The following ARHGAP24 variants were observed in gnomAD, a reference collection of about 807,000 sequenced individuals.
ARHGAP24 encodes rho GTPase-activating protein 24.
ARHGAP24 carries 50 observed loss-of-function variants against 76.4 expected under a neutral mutation model. The ratio of observed to expected loss-of-function variants is 0.65; its 90% confidence interval spans 0.52 to 0.83. ARHGAP24 has a LOEUF of 0.83. Ranked by LOEUF, ARHGAP24 falls within the 40% of genes least tolerant of loss-of-function variation. ARHGAP24 has a pLI of 0.00. For missense variants in ARHGAP24, 930 were observed against 914.2 expected (o/e 1.02, Z -0.22); for synonymous variants, 345 against 323.3 (o/e 1.07, Z -0.72).
At chr4:85,499,241 C>T (rs913413206) in intron 1 of ARHGAP24, among the ~76,000 whole-genome samples, 3 of 152,098 alleles carry the variant, frequency 2.0e-5, no homozygotes, top group African/African-American at 7.2e-5. Context: ...AATGTATGAC[C>T]TTCTAAGTGA....
chr4:85,763,156 GTGT>G (rs1726797553), intron 3 of ARHGAP24, among the ~76,000 whole-genome samples: 1 of 152,018 alleles, frequency 6.6e-6, no homozygotes, highest in Non-Finnish European at 1.5e-5. Flanking sequence ...AAATAATTTG[GTGT>G]TGTTATTTAA....
At chr4:85,930,816 G>T (rs1736286250) in intron 4 of ARHGAP24, 1 of 1,535,040 alleles carries the variant, frequency 6.5e-7, no homozygotes, top group Middle Eastern at 2.0e-4. Context: ...CAAATTCTAG[G>T]GATCAGCACT....
chr4:85,991,506 G>GTAA (rs1375374274), intron 8 of ARHGAP24: 1 of 152,114 alleles, frequency 6.6e-6, no homozygotes, highest in African/African-American at 2.4e-5. Flanking sequence ...TCTACAGCAA[G>GTAA]TAATACTATT....
At chr4:85,740,545 C>T (rs548213708) in intron 3 of ARHGAP24, among the ~76,000 whole-genome samples, 10 of 152,310 alleles carry the variant, frequency 6.6e-5, no homozygotes, top group Admixed American at 1.3e-4. Context: ...ATATCTATTA[C>T]AGAGTTTTCT....
At chr4:85,545,603 C>T (rs1266448668) in intron 1 of ARHGAP24, among the ~76,000 whole-genome samples, 4 of 152,100 alleles carry the variant, frequency 2.6e-5, no homozygotes, top group Non-Finnish European at 4.4e-5. Context: ...TTACTGCTTC[C>T]AAGCTGCTGA....
At chr4:85,957,518 A>T (rs1737985378) in intron 5 of ARHGAP24, among the ~76,000 whole-genome samples, 1 of 152,152 alleles carries the variant, frequency 6.6e-6, no homozygotes, top group African/African-American at 2.4e-5. Context: ...TTCCTCTTTG[A>T]TGTAATCAGG....
intron 1 of ARHGAP24, among the ~76,000 whole-genome samples, chr4:85,523,671 G>A (rs962990845): frequency 1.3e-5 from 2 of 152,066 alleles, no homozygotes; most frequent in African/African-American, 2.4e-5. Flanking sequence ...GCCATTGCAT[G>A]TTTACAGGAA....
At chr4:85,941,142 G>A (rs1278036737) in intron 4 of ARHGAP24, among the ~76,000 whole-genome samples, 1 of 152,048 alleles carries the variant, frequency 6.6e-6, no homozygotes, top group Non-Finnish European at 1.5e-5. Context: ...CATCTGCTTT[G>A]GCTGTTTTTT....
chr4:85,866,710 C>T (rs555132756), intron 3 of ARHGAP24, among the ~76,000 whole-genome samples: 2 of 152,252 alleles, frequency 1.3e-5, no homozygotes, highest in South Asian at 2.1e-4. Context: ...GTGAGGATCA[C>T]ACCCACACCT....
chr4:85,837,748 T>C (rs769285080), intron 3 of ARHGAP24, among the ~76,000 whole-genome samples: 1 of 152,154 alleles, frequency 6.6e-6, no homozygotes, highest in Admixed American at 6.5e-5. Flanking sequence ...CCATATGGAC[T>C]GTATTCCAAT....
chr4:85,581,176 T>C (rs1275821457), intron 2 of ARHGAP24, among the ~76,000 whole-genome samples: 1 of 152,162 alleles, frequency 6.6e-6, no homozygotes, highest in Non-Finnish European at 1.5e-5. Flanking sequence ...AATATGATTT[T>C]AATATTTTAA....
At chr4:85,932,179 G>C (rs1736371859) in intron 4 of ARHGAP24, among the ~76,000 whole-genome samples, 1 of 152,116 alleles carries the variant, frequency 6.6e-6, no homozygotes, top group Admixed American at 6.5e-5. Flanking sequence ...AATTAAATGA[G>C]AGATGCATGT....
intron 2 of ARHGAP24, among the ~76,000 whole-genome samples, chr4:85,659,635 C>T (rs1345326460): frequency 1.3e-5 from 2 of 152,144 alleles, no homozygotes; most frequent in East Asian, 3.9e-4. Flanking sequence ...TATCTCCCTT[C>T]ATTTTGATGA....
intron 2 of ARHGAP24, among the ~76,000 whole-genome samples, chr4:85,624,927 C>A (rs181889241): frequency 3.0e-4 from 46 of 152,110 alleles, no homozygotes; most frequent in African/African-American, 9.2e-4. Context: ...TATCCCCTTT[C>A]TCATTTTTTA....
At chr4:85,619,309 G>T (rs897822990) in intron 2 of ARHGAP24, among the ~76,000 whole-genome samples, 1 of 151,202 alleles carries the variant, frequency 6.6e-6, no homozygotes, top group Non-Finnish European at 1.5e-5. Flanking sequence ...TCCCTATTTT[G>T]TTCCATTGGT....
At chr4:85,543,782 T>A (rs191745189) in intron 1 of ARHGAP24, among the ~76,000 whole-genome samples, 24 of 152,336 alleles carry the variant, frequency 1.6e-4, no homozygotes, top group African/African-American at 5.8e-4. Flanking sequence ...TTTCCTATAA[T>A]CCTTAAAATA....
At chr4:85,919,900 T>C (rs1735630313) in intron 3 of ARHGAP24, among the ~76,000 whole-genome samples, 1 of 152,168 alleles carries the variant, frequency 6.6e-6, no homozygotes, top group African/African-American at 2.4e-5. Context: ...GAATACAAAA[T>C]TGATTTTTAG....
chr4:85,941,403 C>T (rs1736938384), intron 4 of ARHGAP24, among the ~76,000 whole-genome samples: 1 of 152,136 alleles, frequency 6.6e-6, no homozygotes, highest in Admixed American at 6.5e-5. Context: ...ATAAAATACC[C>T]TACCTGTTAG....
At position 85,970,329 on chromosome 4, in the gene ARHGAP24, T is replaced by G. The variant is rs137881848; in HGVS notation, c.600-1707T>G. ...CAACATCATTTTCTCAGAGAAGACC[T>G]CCAAACCCTGTCTTGTTATTAGATA... On this transcript the variant is annotated intron_variant, in intron 5 of 9. Coordinates refer to ENST00000395184, the MANE Select transcript of ARHGAP24 (RefSeq NM_001025616.3). Among the ~76,000 whole-genome samples, 26 of 152,320 alleles carry G rather than the reference T, an allele frequency of 1.7e-4. No homozygotes were observed. The East Asian group carries it at 4.6e-3, about 27-fold the overall frequency.
Sources: gnomAD v4.1 joint callset for allele counts (sites outside exome capture counted in the v4.1 genomes callset) on GRCh38, gnomAD v4.1.1 for gene constraint, MANE v1.5 for transcripts, NCBI Gene and HGNC (gene_info 2026-07-23, HGNC 2026-07-21) for gene names.